STT3B: variants seen among roughly 807,000 people sequenced by gnomAD.
The protein encoded by STT3B is dolichyl-diphosphooligosaccharide--protein glycosyltransferase subunit STT3B.
STT3B carries 29 observed loss-of-function variants against 96.8 expected under a neutral mutation model. The ratio of observed to expected loss-of-function variants is 0.30; its 90% CI spans 0.22 to 0.41. The LOEUF is 0.41. STT3B is among the 10% of genes least tolerant of loss of function. STT3B has a pLI of 1.00. For synonymous variants in STT3B, 367 were observed against 360.0 expected, an observed-to-expected ratio of 1.02 and a Z score of -0.22; for missense variants, 640 against 1,022.3, an observed-to-expected ratio of 0.63 and a Z score of 5.10.
intron 13 of STT3B, among the ~76,000 whole-genome samples, chr3:31,628,201 T>G (rs1699575381): frequency 6.9e-6 from 1 of 145,140 alleles, no homozygotes; most frequent in African/African-American, 2.6e-5. Context: ...ATACACAAAT[T>G]TATGTGTCAG....
At position 31,573,915 on chromosome 3, in the gene STT3B, G is replaced by A. The variant is rs76206629; in HGVS notation, c.315-2481G>A. ...AAACAGAGAAGATTAGAGAGGTGGGGGTAAAAAAATCAAGAGACTGTTGTA... is the reference window on the plus strand; with the variant it reads ...AAACAGAGAAGATTAGAGAGGTGGGAGTAAAAAAATCAAGAGACTGTTGTA... On this transcript the variant is annotated intron_variant, in intron 1 of 15. Coordinates refer to ENST00000295770, the MANE Select transcript of STT3B (RefSeq NM_178862.3). 6.4e-4 allele frequency among the ~76,000 whole-genome samples: 97 copies of A among 151,628 alleles called. 6 individuals are homozygous for A. In the East Asian group the frequency reaches 0.019, roughly 29 times the overall value.
chr3:31,564,863 G>C (rs918978563), intron 1 of STT3B, among the ~76,000 whole-genome samples: 8 of 152,150 alleles, frequency 5.3e-5, no homozygotes, highest in African/African-American at 1.9e-4. Flanking sequence ...AGTACCTGAT[G>C]ACCAGAAAGA....
rs553060612 is a variant in STT3B, at chr3:31,555,481, A to G, written c.315-20915A>G. 2.6e-5 allele frequency among the ~76,000 whole-genome samples: 4 copies of G among 152,244 alleles called. No homozygotes were observed. The South Asian group carries it at 8.3e-4, about 32-fold the overall frequency. Reference sequence around the variant, plus strand: ...CAAAACTTAATTTGATTAAGGAAATAGCGTTTCTTTCTTTTTCTCCTTGAT... The same window carrying G: ...CAAAACTTAATTTGATTAAGGAAATGGCGTTTCTTTCTTTTTCTCCTTGAT... On this transcript the variant is annotated intron_variant, in intron 1 of 15. Coordinates refer to ENST00000295770, the MANE Select transcript of STT3B (RefSeq NM_178862.3).
intron 9 of STT3B, among the ~76,000 whole-genome samples, chr3:31,621,314 T>C (rs1351974292): frequency 6.6e-6 from 1 of 152,222 alleles, no homozygotes; most frequent in Non-Finnish European, 1.5e-5. Context: ...GGGTTGTTAC[T>C]GACTGAGAAG....
intron 1 of STT3B, among the ~76,000 whole-genome samples, chr3:31,570,896 TG>T (rs1698120370): frequency 6.6e-6 from 1 of 152,000 alleles, no homozygotes; most frequent in African/African-American, 2.4e-5. Flanking sequence ...CCAGATACCC[TG>T]GGGGATCCTG....
chr3:31,620,747 C>G (rs1699409620), intron 9 of STT3B, among the ~76,000 whole-genome samples: 1 of 152,156 alleles, frequency 6.6e-6, no homozygotes, highest in African/African-American at 2.4e-5. Context: ...CTGAGAAAAA[C>G]TTTATCACGT....
At chr3:31,596,920 A>C (rs970313856) in intron 4 of STT3B, 57 bp downstream of exon 4, 2 of 1,253,980 alleles carry the variant, frequency 1.6e-6, no homozygotes, top group African/African-American at 1.5e-5. Context: ...AGGTTAAAAC[A>C]GTTCTTTTCT....
At chr3:31,608,462 G>A (rs1699107655) in intron 5 of STT3B, among the ~76,000 whole-genome samples, 1 of 152,166 alleles carries the variant, frequency 6.6e-6, no homozygotes, top group African/African-American at 2.4e-5. Context: ...GGTATTGCTT[G>A]CACCACCTAT....
chr3:31,612,942 G>C (rs1174658921), intron 5 of STT3B, among the ~76,000 whole-genome samples: 1 of 152,126 alleles, frequency 6.6e-6, no homozygotes, highest in Non-Finnish European at 1.5e-5. Context: ...AAATAGGGTG[G>C]AAACTTTTTC....
At chr3:31,568,983 G>T (rs1000510831) in intron 1 of STT3B, among the ~76,000 whole-genome samples, 1 of 152,082 alleles carries the variant, frequency 6.6e-6, no homozygotes, top group Non-Finnish European at 1.5e-5. Context: ...TATTTAAGCT[G>T]AGTTTTCTTT....
intron 1 of STT3B, among the ~76,000 whole-genome samples, chr3:31,567,422 T>C (rs576378059): frequency 6.6e-6 from 1 of 152,342 alleles, no homozygotes; most frequent in South Asian, 2.1e-4. Context: ...AAACCAGATT[T>C]GTGTTGTCTT....
At chr3:31,626,165 C>G in intron 13 of STT3B, 38 bp downstream of exon 13, 1 of 1,546,274 alleles carries the variant, frequency 6.5e-7, no homozygotes, top group Non-Finnish European at 8.9e-7. Flanking sequence ...TGAAAGATAG[C>G]TCACTGTGTC....
At chr3:31,546,211 ACAGCAT>A (rs1291447028) in intron 1 of STT3B, among the ~76,000 whole-genome samples, 2 of 152,346 alleles carry the variant, frequency 1.3e-5, no homozygotes, top group East Asian at 3.9e-4. Context: ...TAGTGACAAA[ACAGCAT>A]TTTATTATTT....
chr3:31,571,823 G>C (rs1258866812), intron 1 of STT3B, among the ~76,000 whole-genome samples: 1 of 151,320 alleles, frequency 6.6e-6, no homozygotes, highest in Admixed American at 6.6e-5. Flanking sequence ...TTGCATGAAT[G>C]AAAATAATCA....
In STT3B at chr3:31,597,656, ACT is replaced by A. The variant is rs1018922804; in HGVS notation, c.777+796_777+797del. Among the ~76,000 whole-genome samples the A allele has an allele frequency of 2.6e-5, 4 of 151,746 alleles. No individual in the cohort carries two copies. In the East Asian group the frequency reaches 7.8e-4, roughly 29 times the overall value. On this transcript the variant is annotated intron_variant, in intron 4 of 15. Transcript: ENST00000295770. ...AAATATTTTGTAGAGACAGATCCTC[ACT>A]CTGTTGCCCAGACTGGTCTTAAGCT...
At chr3:31,556,915 GTT>G (rs988623723) in intron 1 of STT3B, among the ~76,000 whole-genome samples, 44 of 152,170 alleles carry the variant, frequency 2.9e-4, no homozygotes, top group African/African-American at 1.1e-3. Flanking sequence ...GTCTCTTTTT[GTT>G]TTTGTTTTCT....
chr3:31,634,846 A>G (rs1699728700), intron 15 of STT3B, among the ~76,000 whole-genome samples: 1 of 152,178 alleles, frequency 6.6e-6, no homozygotes. Flanking sequence ...AGAAACTACT[A>G]GATCTGGTTT....
intron 1 of STT3B, among the ~76,000 whole-genome samples, chr3:31,540,554 T>C (rs1697240738): frequency 6.6e-6 from 1 of 152,174 alleles, no homozygotes; most frequent in South Asian, 2.1e-4. Context: ...TTTGGTGATA[T>C]CTAGCTATCC....
At chr3:31,582,986 A>G (rs1287624201) in intron 3 of STT3B, among the ~76,000 whole-genome samples, 2 of 152,152 alleles carry the variant, frequency 1.3e-5, no homozygotes, top group Non-Finnish European at 2.9e-5. Context: ...AAAATGTCCC[A>G]TGTGTACTTG....
Sources: gnomAD v4.1 joint callset for allele counts (sites outside exome capture counted in the v4.1 genomes callset) on GRCh38, gnomAD v4.1.1 for gene constraint, MANE v1.5 for transcripts, NCBI Gene and HGNC (gene_info 2026-07-23, HGNC 2026-07-21) for gene names.